Variants in GALNT10 observed in about 807,000 individuals in gnomAD.
GALNT10 encodes polypeptide N-acetylgalactosaminyltransferase 10, also known as GalNAc transferase 10.
A neutral mutation model predicts 75.0 loss-of-function variants in GALNT10; 41 were observed. The ratio of observed to expected loss-of-function variants is 0.55; its 90% CI spans 0.43 to 0.71. The LOEUF is 0.71. Among genes scored for constraint, GALNT10 ranks in the 30% least tolerant of loss-of-function variants. The pLI is 0.00. For synonymous variants in GALNT10, 302 were observed against 313.0 expected (o/e 0.96, Z 0.37); for missense variants, 727 against 818.5 (o/e 0.89, Z 1.36).
At chr5:154,369,138 A>G (rs1051431018) in intron 4 of GALNT10, among the ~76,000 whole-genome samples, 2 of 152,214 alleles carry the variant, frequency 1.3e-5, no homozygotes, top group South Asian at 4.1e-4. Flanking sequence ...CTGTAATCCC[A>G]GCACTTTGGG....
At chr5:154,317,475 C>G (rs921035758) in intron 3 of GALNT10, among the ~76,000 whole-genome samples, 39 of 152,180 alleles carry the variant, frequency 2.6e-4, no homozygotes, top group African/African-American at 9.2e-4. Context: ...TGTTTGGTCA[C>G]AAGCAAGCTG....
At chr5:154,414,493 C>G (rs193194648) in intron 10 of GALNT10, among the ~76,000 whole-genome samples, 5 of 152,290 alleles carry the variant, frequency 3.3e-5, no homozygotes, top group Admixed American at 3.3e-4. Flanking sequence ...AGAATACATA[C>G]TGTATGATTC....
At chr5:154,303,180 A>C (rs528188337) in intron 3 of GALNT10, among the ~76,000 whole-genome samples, 7 of 152,360 alleles carry the variant, frequency 4.6e-5, no homozygotes, top group Admixed American at 2.0e-4. Context: ...CAGGCAGTGA[A>C]GAACAATAAT....
chr5:154,199,707 G>A (rs911037936), intron 1 of GALNT10, among the ~76,000 whole-genome samples: 3 of 152,200 alleles, frequency 2.0e-5, no homozygotes, highest in East Asian at 3.9e-4. Flanking sequence ...GAACTAGGGG[G>A]TCTCTTGGGA....
intron 1 of GALNT10, among the ~76,000 whole-genome samples, chr5:154,221,239 A>G (rs1250238315): frequency 2.0e-5 from 3 of 152,238 alleles, no homozygotes; most frequent in African/African-American, 7.2e-5. Context: ...GTGAATAGGT[A>G]GTTATGTCCC....
intron 1 of GALNT10, among the ~76,000 whole-genome samples, chr5:154,194,718 C>T (rs939717505): frequency 3.3e-5 from 5 of 152,072 alleles, no homozygotes; most frequent in African/African-American, 4.8e-5. Flanking sequence ...CATATTGTAA[C>T]GATGCTTCCC....
intron 1 of GALNT10, among the ~76,000 whole-genome samples, chr5:154,275,711 G>A (rs1009533567): frequency 2.0e-5 from 3 of 152,238 alleles, no homozygotes; most frequent in South Asian, 2.1e-4. Context: ...TTTCCATGTC[G>A]ACCTCTCCAT....
rs368003273 is a variant in GALNT10 at position 154,412,771 on chromosome 5, C to T, written c.1387-118C>T. ...CAGCCCAGGGCAAGCTTTATCAAGACGATTTGAAGGTTAATCCAGCTAATG... is the reference window on the plus strand; with the variant it reads ...CAGCCCAGGGCAAGCTTTATCAAGATGATTTGAAGGTTAATCCAGCTAATG... On this transcript the variant is annotated intron_variant, in intron 9 of 11. Transcript: ENST00000297107. This position sits in a 1 kb window ranked among gnomAD's most constrained non-coding sequence, Gnocchi z 4.2. The T allele has an allele frequency of 4.1e-4, 319 of 771,168 alleles. 1 individual carries two copies. The East Asian group carries it at 4.7e-3, about 11-fold the overall frequency. 47.8% of individuals were successfully genotyped at this position (771,168 alleles called of 1,614,324 possible). A position where few individuals can be genotyped will look rare whatever the true frequency, so the allele number is the denominator to read the frequency against.
chr5:154,303,001 T>A (rs1754382645), intron 3 of GALNT10, among the ~76,000 whole-genome samples: 1 of 152,046 alleles, frequency 6.6e-6, no homozygotes, highest in African/African-American at 2.4e-5. Context: ...ACATTTATTG[T>A]AGTAATAATA....
chr5:154,404,487 A>C (rs534427164), intron 8 of GALNT10, among the ~76,000 whole-genome samples: 1 of 152,328 alleles, frequency 6.6e-6, no homozygotes, highest in East Asian at 1.9e-4. Flanking sequence ...CAGCATTGCC[A>C]GGAGAATTAA....
intron 1 of GALNT10, among the ~76,000 whole-genome samples, chr5:154,206,301 A>G (rs896845845): frequency 1.3e-5 from 2 of 152,250 alleles, no homozygotes; most frequent in African/African-American, 4.8e-5. Flanking sequence ...CACATGGTAC[A>G]TACTGCCTTT....
At position 154,270,909 on chromosome 5, in the gene GALNT10, G is replaced by C. The variant is rs77218780; in HGVS notation, c.160-23907G>C. On this transcript the variant is annotated intron_variant, in intron 1 of 11. Coordinates refer to ENST00000297107, the MANE Select transcript of GALNT10 (RefSeq NM_198321.4). ...CTCGGGAGGCTGAGGCAGGAGAATC[G>C]CTTGAGCCTGTAAGGTAGAGGTTGT... 4.7e-5 allele frequency among the ~76,000 whole-genome samples: 7 copies of C among 149,330 alleles called. No individual in the cohort carries two copies. The East Asian group carries it at 1.4e-3, about 30-fold the overall frequency.
intron 1 of GALNT10, among the ~76,000 whole-genome samples, chr5:154,194,508 C>T (rs1008885948): frequency 6.6e-6 from 1 of 152,130 alleles, no homozygotes; most frequent in Non-Finnish European, 1.5e-5. Flanking sequence ...ATCCGGCTCC[C>T]TACATTCTTT....
chr5:154,367,977 T>C (rs1186843069), intron 4 of GALNT10, among the ~76,000 whole-genome samples: 3 of 152,196 alleles, frequency 2.0e-5, no homozygotes, highest in Non-Finnish European at 4.4e-5. Flanking sequence ...GTTCCTAATA[T>C]GATCAAGATG....
At chr5:154,287,077 AAAC>A (rs1754122233) in intron 1 of GALNT10, among the ~76,000 whole-genome samples, 1 of 152,226 alleles carries the variant, frequency 6.6e-6, no homozygotes, top group Non-Finnish European at 1.5e-5. Flanking sequence ...CTCTGAATGA[AAAC>A]AAAATCATCT....
chr5:154,304,437 A>C (rs1298764622), intron 3 of GALNT10, among the ~76,000 whole-genome samples: 1 of 152,254 alleles, frequency 6.6e-6, no homozygotes, highest in African/African-American at 2.4e-5. Context: ...TGTTGTAAAC[A>C]GTACAAAGAA....
intron 4 of GALNT10, among the ~76,000 whole-genome samples, chr5:154,351,306 G>A (rs1755201272): frequency 6.6e-6 from 1 of 152,200 alleles, no homozygotes; most frequent in South Asian, 2.1e-4. Flanking sequence ...CTTGGCAGCT[G>A]ACCTGAGGGC....
At chr5:154,293,815 A>G (rs1754235565) in intron 1 of GALNT10, among the ~76,000 whole-genome samples, 1 of 151,816 alleles carries the variant, frequency 6.6e-6, no homozygotes. Flanking sequence ...GTCAGTGCCC[A>G]GGATGTTTGT....
At chr5:154,235,068 G>A (rs1437795405) in intron 1 of GALNT10, among the ~76,000 whole-genome samples, 2 of 152,308 alleles carry the variant, frequency 1.3e-5, no homozygotes, top group East Asian at 3.9e-4. Context: ...TAGTGAGAAA[G>A]TGGGACAGTT....
Sources: gnomAD v4.1 joint callset for allele counts (sites outside exome capture counted in the v4.1 genomes callset) on GRCh38, gnomAD v4.1.1 for gene constraint, Gnocchi (gnomAD v3.1) non-coding constraint, MANE v1.5 for transcripts, NCBI Gene and HGNC (gene_info 2026-07-23, HGNC 2026-07-21) for gene names.